Variants in GRAMD1A observed in about 807,000 individuals in gnomAD.
The protein encoded by GRAMD1A is protein Aster-A.
In GRAMD1A, 50 loss-of-function variants were observed where a neutral mutation model predicts 92.0. The ratio of observed to expected loss-of-function variants is 0.54; its 90% confidence interval spans 0.43 to 0.69. The LOEUF is 0.69. Ranked by LOEUF, GRAMD1A falls within the 30% of genes least tolerant of loss-of-function variation. The pLI is 0.00. For missense variants in GRAMD1A, 819 were observed against 978.9 expected, an observed-to-expected ratio of 0.84 and a Z score of 2.18; for synonymous variants, 405 against 403.6, an observed-to-expected ratio of 1.00 and a Z score of -0.04.
chr19:35,014,271 C>G lies in GRAMD1A; in HGVS notation c.953C>G (p.Pro318Arg), dbSNP rs371022002. ...SQTVTPVAEP[P>R]STEPTQPDGP... ...ACAGTGACCCCGGTGGCTGAACCCC[C>G]GAGCACAGAGCCCACCCAGCCTGAC... is the stretch of plus-strand genomic sequence containing the variant. The change falls in exon 10 of 20, where the codon CCG becomes CGG. Residue 318 changes from proline to arginine, a missense_variant. Around this residue, in one of 3 missense-constraint regions of GRAMD1A, gnomAD observed 577 missense variants for 674.6 expected, o/e 0.86. Coordinates refer to ENST00000317991, the MANE Select transcript of GRAMD1A (RefSeq NM_020895.5). The G allele has an allele frequency of 6.2e-7, 1 of 1,614,108 alleles. No individual in the cohort carries two copies.
chr19:35,021,606 G>A lies in GRAMD1A; in HGVS notation c.1579+1G>A, dbSNP rs1470342873. 2 of 1,613,732 alleles carry A rather than the reference G, an allele frequency of 1.2e-6. No individual in the cohort carries two copies. The highest frequency in any genetic ancestry group is 1.7e-6 in the Non-Finnish European group (2 of 1,179,614). ...ATTGAAGACTATTTCCACCATCTGG[G>A]TAGGGACAGAAGGCCGGCTGGGGCG... On this transcript the variant is annotated splice_donor_variant, in intron 14 of 19. Coordinates refer to ENST00000317991, the MANE Select transcript of GRAMD1A (RefSeq NM_020895.5). LOFTEE classifies it high-confidence loss of function. The surrounding 1 kb of genome is among the most constrained non-coding windows in gnomAD (Gnocchi z 5.3).
In GRAMD1A at chr19:35,019,285, G is replaced by A. The variant is rs1033476436; in HGVS notation, c.1308G>A (p.Lys436=). The A allele has an allele frequency of 1.2e-6, 2 of 1,613,396 alleles. No individual in the cohort carries two copies. Among genetic ancestry groups the A allele is most frequent in the Non-Finnish European group, 1.7e-6 (2 of 1,179,584 alleles). The change falls in exon 12 of 20, where the codon AAG becomes AAA. Residue 436 remains lysine (K), a synonymous_variant. Coordinates refer to ENST00000317991, the MANE Select transcript of GRAMD1A (RefSeq NM_020895.5). Reference sequence around the variant, plus strand: ...CCATCAGCAACCCACTGGGCCCCAAGAGCGCCTCCGTGGTGGAGACACAGG... The same window carrying A: ...CCATCAGCAACCCACTGGGCCCCAAAAGCGCCTCCGTGGTGGAGACACAGG... The part of the protein sequence containing the change: ...TIPISNPLGP[K]SASVVETQTL...
chr19:35,011,702 C>T, intron 7 of GRAMD1A, 148 bp downstream of exon 7: 1 of 630,660 alleles, frequency 1.6e-6, no homozygotes, highest in Non-Finnish European at 2.8e-6. Context: ...CCCTGGGCCC[C>T]ACCTGACCCC....
At position 35,014,398 on chromosome 19, in the gene GRAMD1A, C is replaced by T. The variant is rs1201474887; in HGVS notation, c.1069+11C>T. 26 of 1,611,464 alleles carry T rather than the reference C, an allele frequency of 1.6e-5. No homozygotes were observed. Among genetic ancestry groups the T allele is most frequent in the East Asian group, 4.5e-5 (2 of 44,864 alleles). On this transcript the variant is annotated intron_variant, in intron 10 of 19. Coordinates refer to ENST00000317991, the MANE Select transcript of GRAMD1A (RefSeq NM_020895.5). ...CCACTGGGGAGGAAGGTGAGGCAGG[C>T]GGGCCCAATTCATTCGCCTCCGGTA...
At chr19:35,005,867 G>A (rs2014774452) in intron 1 of GRAMD1A, 1 of 456,230 alleles carries the variant, frequency 2.2e-6, no homozygotes, top group Non-Finnish European at 4.4e-6. Flanking sequence ...GGACAAATAA[G>A]GATTTGCTAG....
chr19:35,003,301 G>A (rs930041502), intron 1 of GRAMD1A, among the ~76,000 whole-genome samples: 4 of 152,104 alleles, frequency 2.6e-5, no homozygotes, highest in South Asian at 2.1e-4. Flanking sequence ...GGATGCATCC[G>A]CCCTTTTCTG....
In GRAMD1A at chr19:35,000,401, C is replaced by A; in HGVS notation, c.-78C>A. 1 of 1,153,656 alleles carries A rather than the reference C, an allele frequency of 8.7e-7. No homozygotes were observed. Among genetic ancestry groups the A allele is most frequent in the Non-Finnish European group, 1.1e-6 (1 of 944,560 alleles). The allele number at this position is 1,153,656 out of a possible 1,614,324, so 71.5% of individuals were successfully genotyped here. A position where few individuals can be genotyped will look rare whatever the true frequency, so the allele number is the denominator to read the frequency against. On this transcript the variant is annotated 5_prime_UTR_variant, in exon 1 of 20. Coordinates refer to ENST00000317991, the MANE Select transcript of GRAMD1A (RefSeq NM_020895.5). This position sits in a 1 kb window ranked among gnomAD's most constrained non-coding sequence, Gnocchi z 4.9. ...CGGTGCCCTGCGGGGACGCCCAGCGCAGCCCAGCCCCGCGCAGCCCAGCCC... is the reference window on the plus strand; with the variant it reads ...CGGTGCCCTGCGGGGACGCCCAGCGAAGCCCAGCCCCGCGCAGCCCAGCCC...
rs763597509 is a variant in GRAMD1A, at chr19:35,021,705, A to G, written c.1594A>G (p.Lys532Glu). The G allele has an allele frequency of 6.2e-7, 1 of 1,614,090 alleles. No homozygotes were observed. The highest frequency in any genetic ancestry group is 1.3e-5 in the African/African-American group (1 of 75,060). The change falls in exon 15 of 20, where the codon AAG becomes GAG. Residue 532 changes from lysine (K) to glutamate (E), a missense_variant. Physicochemically the swap from Lys to Glu is moderately conservative, Grantham distance 56. Transcript: ENST00000317991. This position sits in a 1 kb window ranked among gnomAD's most constrained non-coding sequence, Gnocchi z 5.3. The stretch of plus-strand genomic sequence containing the variant: ...CTTTTACGCAGAGCGAGAGCTCGCC[A>G]AGGCTGAGAAGCTGTCTCTGGAGGA... ...YFHHLERELAKAEKLSLEEGG... is the reference protein window; with the variant it reads ...YFHHLERELAEAEKLSLEEGG...
rs532288446 is a variant in GRAMD1A at position 35,008,057 on chromosome 19, G to A, written c.9-1062G>A. 4.6e-5 allele frequency among the ~76,000 whole-genome samples: 7 copies of A among 151,952 alleles called. No individual in the cohort carries two copies. In the South Asian group the frequency reaches 6.3e-4, roughly 14 times the overall value. ...AAAATAGGAGGTATAGGCCAGGCGC[G>A]GTGGCTCACACCTGTAATCCCAGCA... On this transcript the variant is annotated intron_variant, in intron 1 of 19. Transcript: ENST00000317991.
At position 35,009,199 on chromosome 19, in the gene GRAMD1A, G is replaced by A. The variant is rs367650191; in HGVS notation, c.89G>A (p.Arg30Gln). ...RKRLQLLPPS[R>Q]PPPEPEPGTM... ...CGGCTGCAGCTCCTGCCCCCAAGCC[G>A]GCCCCCACCTGAGCCAGAACCAGGC... The change falls in exon 2 of 20, where the codon CGG becomes CAG. Residue 30 changes from arginine (R) to glutamine (Q), a missense_variant. Physicochemically the swap from Arg to Gln is conservative, Grantham distance 43. Around this residue, in one of 3 missense-constraint regions of GRAMD1A, gnomAD observed 98 missense variants for 84.0 expected, o/e 1.17. Transcript: ENST00000317991. 7.4e-6 allele frequency: 12 copies of A among 1,613,578 alleles called. No individual in the cohort carries two copies. In the Middle Eastern group the frequency reaches 4.9e-4, roughly 66 times the overall value.
At chr19:35,007,876 A>G (rs985995933) in intron 1 of GRAMD1A, among the ~76,000 whole-genome samples, 2 of 152,094 alleles carry the variant, frequency 1.3e-5, no homozygotes, top group African/African-American at 4.8e-5. Flanking sequence ...CTATCTCTAA[A>G]AAGAAAATAA....
chr19:35,023,969 G>A (rs1208104716), intron 19 of GRAMD1A: 1 of 158,698 alleles, frequency 6.3e-6, no homozygotes, highest in African/African-American at 2.4e-5. Flanking sequence ...ACAACAGCCA[G>A]GGCAGGCCAC....
At chr19:34,996,234 C>T (rs2014031193), upstream of GRAMD1A, 1 of 1,534,236 alleles carries the variant, frequency 6.5e-7, no homozygotes, top group East Asian at 2.4e-5. Context: ...TGCACCCCAA[C>T]CCCCCGACGC....
upstream of GRAMD1A, among the ~76,000 whole-genome samples, chr19:34,995,570 G>GTTTT (rs1173583059): frequency 0.01 from 832 of 80,926 alleles, 103 homozygotes; most frequent in African/African-American, 0.028. Context: ...TCAGATCACG[G>GTTTT]GTTTTTTTTT....
At chr19:35,020,850 G>A (rs547916929) in intron 13 of GRAMD1A, among the ~76,000 whole-genome samples, 223 of 152,296 alleles carry the variant, frequency 1.5e-3, no homozygotes, top group African/African-American at 5.1e-3. Flanking sequence ...TACAGGAGCA[G>A]GGAGGCCAGG....
At chr19:35,016,039 A>T in intron 11 of GRAMD1A, 72 bp downstream of exon 11, 1 of 1,519,710 alleles carries the variant, frequency 6.6e-7, no homozygotes, top group Admixed American at 1.8e-5. Context: ...GTAGCCCAGG[A>T]CAGGGGAAGG....
At chr19:35,014,482 A>T in intron 10 of GRAMD1A, 95 bp downstream of exon 10, 1 of 1,080,464 alleles carries the variant, frequency 9.3e-7, no homozygotes, top group Non-Finnish European at 1.4e-6. Context: ...AGCACTGAGA[A>T]TCCAGGGGCA....
At chr19:35,016,729 C>T (rs1214210182) in intron 11 of GRAMD1A, among the ~76,000 whole-genome samples, 4 of 151,566 alleles carry the variant, frequency 2.6e-5, no homozygotes, top group African/African-American at 9.7e-5. Context: ...GGTGAAACCC[C>T]ATCTCCACTA....
At chr19:35,022,935 G>GGCCAA in intron 17 of GRAMD1A, 24 bp downstream of exon 17, 1 of 1,523,704 alleles carries the variant, frequency 6.6e-7, no homozygotes, top group Non-Finnish European at 9.0e-7. Context: ...TCCTCCCCCT[G>GGCCAA]CCCTCCCCTC....
Sources: allele counts gnomAD v4.1 joint callset (sites outside exome capture counted in the v4.1 genomes callset), GRCh38; gene constraint gnomAD v4.1.1; regional missense constraint gnomAD v4.1.1; non-coding constraint Gnocchi (gnomAD v3.1); transcripts MANE v1.5; gene names NCBI Gene and HGNC (gene_info 2026-07-23, HGNC 2026-07-21).